The following VAMP5 variants were observed in gnomAD, a reference collection of about 807,000 sequenced individuals.
The protein encoded by VAMP5 is vesicle associated membrane protein 5.
Under a neutral mutation model 8.1 loss-of-function variants are expected in VAMP5, and 10 were observed. The ratio of observed to expected loss-of-function variants is 1.23; its 90% CI spans 0.76 to 2.09. The LOEUF (loss-of-function observed/expected upper bound fraction) is 2.09, where lower values mean the gene tolerates loss of function less well. Among genes scored for constraint, VAMP5 ranks in the 30% most tolerant of loss-of-function variants. The pLI, the probability that VAMP5 is intolerant of heterozygous loss-of-function variation, is 0.00. For synonymous variants in VAMP5, 62 were observed against 60.6 expected, an observed-to-expected ratio of 1.02 and a Z score of -0.11; for missense variants, 135 against 152.5, an observed-to-expected ratio of 0.89 and a Z score of 0.60.
chr2:85,589,438 G>A (rs1250779915), intron 1 of VAMP5, among the ~76,000 whole-genome samples: 1 of 152,190 alleles, frequency 6.6e-6, no homozygotes, highest in South Asian at 2.1e-4. Flanking sequence ...CGCATTGGGG[G>A]AGACTGGTCC....
intron 1 of VAMP5, among the ~76,000 whole-genome samples, chr2:85,588,353 G>A (rs1014847392): frequency 4.6e-5 from 7 of 152,070 alleles, no homozygotes; most frequent in African/African-American, 7.2e-5. Context: ...TGTACAGGGG[G>A]CAACAGTCTG....
chr2:85,586,944 A>G (rs1430580891), intron 1 of VAMP5, among the ~76,000 whole-genome samples: 1 of 151,854 alleles, frequency 6.6e-6, no homozygotes, highest in Non-Finnish European at 1.5e-5. Context: ...GCGTGGTGGC[A>G]GGCGCCTGTA....
chr2:85,588,699 G>C (rs1672497191), intron 1 of VAMP5, among the ~76,000 whole-genome samples: 1 of 152,090 alleles, frequency 6.6e-6, no homozygotes, highest in Non-Finnish European at 1.5e-5. Context: ...TAGCTCTTAA[G>C]TTTTATCAGT....
At chr2:85,591,404 AGCTTTG>A (rs1012405227) in intron 1 of VAMP5, among the ~76,000 whole-genome samples, 31 of 152,086 alleles carry the variant, frequency 2.0e-4, no homozygotes, top group African/African-American at 6.8e-4. Flanking sequence ...GAAAAGAATC[AGCTTTG>A]TGGGAGGGTG....
At chr2:85,588,170 TG>T (rs932578776) in intron 1 of VAMP5, among the ~76,000 whole-genome samples, 12 of 152,046 alleles carry the variant, frequency 7.9e-5, no homozygotes, top group African/African-American at 2.7e-4. Flanking sequence ...ATGTATTTCT[TG>T]GTAGAGGCAT....
intron 1 of VAMP5, among the ~76,000 whole-genome samples, chr2:85,587,185 T>C (rs187993050): frequency 2.6e-5 from 4 of 152,288 alleles, no homozygotes; most frequent in Admixed American, 2.6e-4. Context: ...TGTGTACAAG[T>C]TTGCCATAGG....
chr2:85,584,578 G>A (rs1173626669), intron 1 of VAMP5, 85 bp downstream of exon 1: 1 of 1,229,424 alleles, frequency 8.1e-7, no homozygotes, highest in Admixed American at 4.2e-5. Context: ...AAAGTCCGCG[G>A]GCTGGGGCCT....
rs1457316899 is a variant in VAMP5, at chr2:85,593,037, G to A, written c.231G>A (p.Val77=). The A allele has an allele frequency of 6.2e-7, 1 of 1,614,104 alleles. No individual in the cohort carries two copies. The highest frequency in any genetic ancestry group is 8.5e-7 in the Non-Finnish European group (1 of 1,180,036). Residue 77 remains valine (V), a synonymous_variant, in exon 3 of 3, where the codon GTG becomes GTA. Coordinates refer to ENST00000306384, the MANE Select transcript of VAMP5 (RefSeq NM_006634.3). ...ACCGGATCTGCGTGGGGCTGGTGGT[G>A]GTTGGTGTCCTGCTCATCATCCTGA... ...IRYRICVGLV[V]VGVLLIILIV...
chr2:85,587,752 AG>A (rs1291066234), intron 1 of VAMP5, among the ~76,000 whole-genome samples: 2 of 152,224 alleles, frequency 1.3e-5, no homozygotes, highest in Non-Finnish European at 2.9e-5. Flanking sequence ...AGTGGAGGTC[AG>A]AAAGGTCATA....
chr2:85,588,993 G>A (rs1323749850), intron 1 of VAMP5, among the ~76,000 whole-genome samples: 1 of 152,104 alleles, frequency 6.6e-6, no homozygotes, highest in African/African-American at 2.4e-5. Flanking sequence ...TTTAAGAATA[G>A]GCACAATTAG....
chr2:85,584,793 G>C (rs913680961), intron 1 of VAMP5, among the ~76,000 whole-genome samples: 1 of 152,240 alleles, frequency 6.6e-6, no homozygotes, highest in African/African-American at 2.4e-5. Flanking sequence ...CGGACTCCGG[G>C]CTGGGATCCC....
In VAMP5 at chr2:85,593,076, C is replaced by T. The variant is rs1192316199; in HGVS notation, c.270C>T (p.Val90=). The change falls in exon 3 of 3, where the codon GTC becomes GTT. Residue 90 remains valine (V), a synonymous_variant. Coordinates refer to ENST00000306384, the MANE Select transcript of VAMP5 (RefSeq NM_006634.3). Reference sequence around the variant, plus strand: ...TCATCATCCTGATTGTGCTGCTGGTCGTCTTTCTCCCTCAGAGCAGTGACA... The same window carrying T: ...TCATCATCCTGATTGTGCTGCTGGTTGTCTTTCTCCCTCAGAGCAGTGACA... ...VLLIILIVLL[V]VFLPQSSDSS... 5.6e-6 allele frequency: 9 copies of T among 1,614,188 alleles called. No homozygotes were observed. Among genetic ancestry groups the T allele is most frequent in the East Asian group, 2.2e-5 (1 of 44,888 alleles).
intron 1 of VAMP5, among the ~76,000 whole-genome samples, chr2:85,587,680 T>C (rs1163426888): frequency 6.6e-6 from 1 of 152,254 alleles, no homozygotes; most frequent in African/African-American, 2.4e-5. Context: ...GCTAAGCTTT[T>C]GATTTACAAT....
chr2:85,587,550 C>T (rs1161174048), intron 1 of VAMP5, among the ~76,000 whole-genome samples: 1 of 151,464 alleles, frequency 6.6e-6, no homozygotes, highest in Non-Finnish European at 1.5e-5. Context: ...CCACACCTGG[C>T]CATATTGTAC....
At chr2:85,585,608 C>T (rs575503606) in intron 1 of VAMP5, among the ~76,000 whole-genome samples, 3 of 152,268 alleles carry the variant, frequency 2.0e-5, no homozygotes, top group African/African-American at 7.2e-5. Flanking sequence ...GGGCTTCAGC[C>T]GGCCCTTAGC....
intron 1 of VAMP5, among the ~76,000 whole-genome samples, chr2:85,591,150 G>A (rs1374370): frequency 0.25 from 38,799 of 152,180 alleles, 5,134 homozygotes; most frequent in Non-Finnish European, 0.29. Context: ...AGGCAGAACT[G>A]GCCTGACCAG....
chr2:85,593,023 G>A lies in VAMP5; in HGVS notation c.217G>A (p.Val73Met), dbSNP rs201201551. ...CWENIRYRIC[V>M]GLVVVGVLLI... Reference sequence around the variant, plus strand: ...GGAGAACATCCGTTACCGGATCTGCGTGGGGCTGGTGGTGGTTGGTGTCCT... The same window carrying A: ...GGAGAACATCCGTTACCGGATCTGCATGGGGCTGGTGGTGGTTGGTGTCCT... Residue 73 changes from valine to methionine, a missense_variant, in exon 3 of 3, where the codon GTG (valine) becomes ATG (methionine). Transcript: ENST00000306384. 126 of 1,614,184 alleles carry A rather than the reference G, an allele frequency of 7.8e-5. No homozygotes were observed. Among genetic ancestry groups the A allele is most frequent in the Non-Finnish European group, 9.6e-5 (113 of 1,180,038 alleles).
rs376846307 is a variant in VAMP5, at chr2:85,592,968, T to C, written c.162T>C (p.Thr54=). 5 of 1,614,034 alleles carry C rather than the reference T, an allele frequency of 3.1e-6. No individual in the cohort carries two copies. Among genetic ancestry groups the C allele is most frequent in the African/African-American group, 1.3e-5 (1 of 75,016 alleles). The change falls in exon 3 of 3, where the codon ACT becomes ACC. Residue 54 remains threonine (T), a synonymous_variant. Transcript: ENST00000306384. ...LLDMSSTFNK[T]TQNLAQKKCW... is the part of the protein sequence containing the mutation. ...CGCAGAGCTCAACCTTCAACAAGAC[T>C]ACACAGAACCTGGCCCAGAAGAAGT...
intron 1 of VAMP5, among the ~76,000 whole-genome samples, chr2:85,589,037 C>A (rs1672503145): frequency 6.6e-6 from 1 of 152,198 alleles, no homozygotes; most frequent in South Asian, 2.1e-4. Flanking sequence ...ATAATCCCAG[C>A]ACTTTGGGAA....
Sources: gnomAD v4.1 joint callset for allele counts (sites outside exome capture counted in the v4.1 genomes callset) on GRCh38, gnomAD v4.1.1 for gene constraint, MANE v1.5 for transcripts, NCBI Gene and HGNC (gene_info 2026-07-23, HGNC 2026-07-21) for gene names.